Variants in SLCO3A1 observed in about 807,000 individuals in gnomAD.
SLCO3A1 encodes the protein PGE1 transporter.
In SLCO3A1, 27 loss-of-function variants were observed where a neutral mutation model predicts 63.1. That is an observed-to-expected ratio of 0.43 (90% confidence interval 0.32 to 0.59). SLCO3A1 has a LOEUF of 0.59. Ranked by LOEUF, SLCO3A1 falls within the 20% of genes least tolerant of loss-of-function variation. SLCO3A1 has a pLI of 0.09. For synonymous variants in SLCO3A1, 473 were observed against 409.9 expected, an observed-to-expected ratio of 1.15 and a Z score of -1.86; for missense variants, 773 against 945.8, an observed-to-expected ratio of 0.82 and a Z score of 2.40.
intron 2 of SLCO3A1, among the ~76,000 whole-genome samples, chr15:92,078,806 A>G (rs1167507919): frequency 1.3e-5 from 2 of 152,176 alleles, no homozygotes; most frequent in African/African-American, 4.8e-5. Flanking sequence ...GAGGTAGTAC[A>G]TGGAATGTGC....
At chr15:91,971,976 C>T (rs117006161) in intron 2 of SLCO3A1, among the ~76,000 whole-genome samples, 3 of 152,108 alleles carry the variant, frequency 2.0e-5, no homozygotes, top group Non-Finnish European at 4.4e-5. Context: ...CATTATATTC[C>T]TTACCAATGA....
rs981044918 is a variant in SLCO3A1, at chr15:91,872,442, G to A, written c.180+18354G>A. Reference sequence around the variant, plus strand: ...AGCTACTCGGCGGGCTGAGGTAGGAGAATCACTTGAACCCGGGAGGCGGAT... The same window carrying A: ...AGCTACTCGGCGGGCTGAGGTAGGAAAATCACTTGAACCCGGGAGGCGGAT... On this transcript the variant is annotated intron_variant, in intron 1 of 9. Coordinates refer to ENST00000318445, the MANE Select transcript of SLCO3A1 (RefSeq NM_013272.4). This position sits in a 1 kb window ranked among gnomAD's most constrained non-coding sequence, Gnocchi z 4.1. Among the ~76,000 whole-genome samples the A allele has an allele frequency of 4.6e-5, 7 of 151,884 alleles. No homozygotes were observed. The highest frequency in any genetic ancestry group is 3.9e-4 in the Admixed American group (6 of 15,264).
intron 2 of SLCO3A1, among the ~76,000 whole-genome samples, chr15:92,073,605 G>C (rs1461284815): frequency 6.6e-6 from 1 of 152,220 alleles, no homozygotes; most frequent in African/African-American, 2.4e-5. Context: ...AGTGGACTGT[G>C]TGCCAAGCAA....
intron 2 of SLCO3A1, among the ~76,000 whole-genome samples, chr15:92,090,770 G>A (rs534351329): frequency 5.5e-4 from 83 of 152,286 alleles, no homozygotes; most frequent in African/African-American, 1.9e-3. Flanking sequence ...GCCAGCCCTC[G>A]TTGTAGGAGA....
At chr15:92,039,722 C>T (rs1280325556) in intron 2 of SLCO3A1, among the ~76,000 whole-genome samples, 1 of 152,158 alleles carries the variant, frequency 6.6e-6, no homozygotes, top group Non-Finnish European at 1.5e-5. Flanking sequence ...TGGGTATAAA[C>T]CCAAAGGAAT....
At chr15:92,063,622 G>C (rs1567098115) in intron 2 of SLCO3A1, among the ~76,000 whole-genome samples, 1 of 152,232 alleles carries the variant, frequency 6.6e-6, no homozygotes, top group African/African-American at 2.4e-5. Flanking sequence ...CACTTTGGGA[G>C]GCTGACGTGG....
chr15:91,939,735 C>T (rs186064065), intron 2 of SLCO3A1, among the ~76,000 whole-genome samples: 46 of 152,236 alleles, frequency 3.0e-4, no homozygotes, highest in East Asian at 1.2e-3. Context: ...GCCTCCTACC[C>T]GCCTCCTCCA....
chr15:92,171,848 T>A, exon 11 of SLCO3A1: 1 of 1,551,274 alleles, frequency 6.4e-7, no homozygotes, highest in South Asian at 1.2e-5. Flanking sequence ...AGAAGACTCC[T>A]TTGTGAGAAG....
intron 3 of SLCO3A1, among the ~76,000 whole-genome samples, chr15:92,100,065 C>CA (rs11336185): frequency 2.8e-3 from 402 of 142,882 alleles, no homozygotes; most frequent in African/African-American, 8.9e-3. Flanking sequence ...AACTCCATCT[C>CA]AAAAAAAAAA....
At position 91,853,870 on chromosome 15, in the gene SLCO3A1, AGCGGCAGCG is replaced by A. The variant is rs1318744393; in HGVS notation, c.-33_-25del. 36 of 1,251,724 alleles carry A rather than the reference AGCGGCAGCG, an allele frequency of 2.9e-5. No individual in the cohort carries two copies. The highest frequency in any genetic ancestry group is 3.4e-5 in the Non-Finnish European group (34 of 1,002,466). The allele number at this position is 1,251,724 out of a possible 1,614,324, so 77.5% of individuals were successfully genotyped here. A position where few individuals can be genotyped will look rare whatever the true frequency, so the allele number is the denominator to read the frequency against. ...CCCCGACACCCGGGGCGAGCGGGAA[AGCGGCAGCG>A]GCGGCGGCGGCGGCGGCGGCGGGGG... On this transcript the variant is annotated 5_prime_UTR_variant, in exon 1 of 10. Coordinates refer to ENST00000318445, the MANE Select transcript of SLCO3A1 (RefSeq NM_013272.4).
chr15:92,023,702 C>T (rs1369424914), intron 2 of SLCO3A1, among the ~76,000 whole-genome samples: 1 of 152,206 alleles, frequency 6.6e-6, no homozygotes, highest in Non-Finnish European at 1.5e-5. Flanking sequence ...CTCCTGGCCT[C>T]AAGTGATCCA....
rs532531950 is a variant in SLCO3A1, at chr15:91,874,101, A to G, written c.180+20013A>G. On this transcript the variant is annotated intron_variant, in intron 1 of 9. Coordinates refer to ENST00000318445, the MANE Select transcript of SLCO3A1 (RefSeq NM_013272.4). The stretch of plus-strand genomic sequence containing the variant: ...ATATGATATGGTTTTTCCTATATGT[A>G]TATACCTATGATAAAGTTTAATTTA... Among the ~76,000 whole-genome samples the G allele has an allele frequency of 6.6e-5, 10 of 152,292 alleles. 1 individual carries two copies. Among genetic ancestry groups the G allele is most frequent in the South Asian group, 6.2e-4 (3 of 4,826 alleles).
At chr15:91,985,134 C>T (rs8032914) in intron 2 of SLCO3A1, among the ~76,000 whole-genome samples, 32,782 of 152,006 alleles carry the variant, frequency 0.22, 3,974 homozygotes, top group East Asian at 0.38. Flanking sequence ...CTCTTCTTTC[C>T]CAAAGTAACG....
intron 1 of SLCO3A1, among the ~76,000 whole-genome samples, chr15:91,867,692 T>G (rs1201443838): frequency 6.6e-6 from 1 of 152,134 alleles, no homozygotes; most frequent in Non-Finnish European, 1.5e-5. Flanking sequence ...CCTCCTGTTC[T>G]CCTTGGGAAG....
chr15:92,066,974 G>A (rs2047159494), intron 2 of SLCO3A1, among the ~76,000 whole-genome samples: 1 of 152,224 alleles, frequency 6.6e-6, no homozygotes, highest in South Asian at 2.1e-4. Flanking sequence ...GAACTCATAT[G>A]CAGTCCCAGG....
At chr15:92,142,981 G>C (rs1486019360) in intron 7 of SLCO3A1, among the ~76,000 whole-genome samples, 1 of 151,974 alleles carries the variant, frequency 6.6e-6, no homozygotes, top group Non-Finnish European at 1.5e-5. Context: ...CGATCACATG[G>C]CTCATTCAGA....
chr15:91,877,712 A>C (rs1021808716), intron 1 of SLCO3A1, among the ~76,000 whole-genome samples: 3 of 152,146 alleles, frequency 2.0e-5, no homozygotes, highest in Non-Finnish European at 2.9e-5. Context: ...AAGGTTTTGA[A>C]GGCTAGGCTC....
chr15:92,013,550 C>T (rs2046392933), intron 2 of SLCO3A1, among the ~76,000 whole-genome samples: 2 of 152,158 alleles, frequency 1.3e-5, no homozygotes, highest in South Asian at 4.1e-4. Context: ...ACAAGGTGCC[C>T]CAGCCACCCG....
intron 7 of SLCO3A1, among the ~76,000 whole-genome samples, chr15:92,131,014 A>G (rs1156364886): frequency 1.3e-5 from 2 of 151,884 alleles, no homozygotes; most frequent in Non-Finnish European, 2.9e-5. Flanking sequence ...GGTTTCATCA[A>G]TTCTTCCACC....
Sources: gnomAD v4.1 joint callset for allele counts (sites outside exome capture counted in the v4.1 genomes callset) on GRCh38, gnomAD v4.1.1 for gene constraint, Gnocchi (gnomAD v3.1) non-coding constraint, MANE v1.5 for transcripts, NCBI Gene and HGNC (gene_info 2026-07-23, HGNC 2026-07-21) for gene names.